PRKCQ: variants seen among roughly 807,000 people sequenced by gnomAD.
PRKCQ encodes the protein protein kinase C theta.
PRKCQ carries 41 observed loss-of-function variants against 91.2 expected under a neutral mutation model. The observed-to-expected ratio is 0.45, with a 90% CI of 0.35 to 0.58. The LOEUF (loss-of-function observed/expected upper bound fraction) is 0.58. PRKCQ is among the 20% of genes least tolerant of loss of function. The pLI is 0.00. For synonymous variants in PRKCQ, 307 were observed against 316.9 expected (o/e 0.97, Z 0.33); for missense variants, 673 against 896.5 (o/e 0.75, Z 3.18).
At position 6,497,328 on chromosome 10, in the gene PRKCQ, G is replaced by C; in HGVS notation, c.543-77C>G. The C allele has an allele frequency of 6.6e-7, 1 of 1,518,648 alleles. No homozygotes were observed. Among genetic ancestry groups the C allele is most frequent in the Middle Eastern group, 2.0e-4 (1 of 5,030 alleles). The allele number at this position is 1,518,648 out of a possible 1,614,324, so 94.1% of individuals were successfully genotyped here. ...CCAACAGCATTTAAGAGATGGATGA[G>C]ATCTCATAACCCCCTAAGATCACAG... On this transcript the variant is annotated intron_variant, in intron 5 of 17. Transcript: ENST00000263125. This position sits in a 1 kb window ranked among gnomAD's most constrained non-coding sequence, Gnocchi z 4.5.
chr10:6,447,610 G>T (rs1282541540), intron 15 of PRKCQ, among the ~76,000 whole-genome samples: 1 of 152,178 alleles, frequency 6.6e-6, no homozygotes, highest in Non-Finnish European at 1.5e-5. Flanking sequence ...GGGAGCACAG[G>T]TGTGTTTTTC....
intron 1 of PRKCQ, among the ~76,000 whole-genome samples, chr10:6,575,722 C>T (rs1328414687): frequency 6.6e-6 from 1 of 152,158 alleles, no homozygotes; most frequent in Non-Finnish European, 1.5e-5. Flanking sequence ...CACCTTACAC[C>T]AATTAGAAAG....
At chr10:6,397,502 TCC>T in the PRKCQ span, among the ~76,000 whole-genome samples, 1 of 152,268 alleles carries the variant, frequency 6.6e-6, no homozygotes, top group Non-Finnish European at 1.5e-5. Flanking sequence ...AAATATTTTC[TCC>T]TAGTCTCTTG....
At chr10:6,528,757 T>A (rs945837269) in intron 1 of PRKCQ, among the ~76,000 whole-genome samples, 2 of 152,232 alleles carry the variant, frequency 1.3e-5, no homozygotes, top group Non-Finnish European at 2.9e-5. Flanking sequence ...AGCAAATGTC[T>A]TTGAAGGTTA....
intron 1 of PRKCQ, among the ~76,000 whole-genome samples, chr10:6,549,866 T>C (rs957681161): frequency 1.3e-5 from 2 of 151,938 alleles, no homozygotes; most frequent in Non-Finnish European, 2.9e-5. Flanking sequence ...TCCTGACCTC[T>C]GGTAATCTGG....
the PRKCQ span, among the ~76,000 whole-genome samples, chr10:6,398,931 A>T: frequency 7.9e-5 from 12 of 151,992 alleles, no homozygotes; most frequent in African/African-American, 2.7e-4. Context: ...TTAAAAAAAA[A>T]TTTTATAGAG....
intron 1 of PRKCQ, among the ~76,000 whole-genome samples, chr10:6,534,914 G>A (rs1839522687): frequency 6.6e-6 from 1 of 151,176 alleles, no homozygotes; most frequent in Non-Finnish European, 1.5e-5. Context: ...AGTTCTTTTT[G>A]GAATGTGCAA....
At chr10:6,461,100 T>TATCCATCCATCC (rs140150098) in intron 14 of PRKCQ, among the ~76,000 whole-genome samples, 2 of 149,968 alleles carry the variant, frequency 1.3e-5, no homozygotes, top group African/African-American at 4.9e-5. Flanking sequence ...ATCCATCATT[T>TATCCATCCATCC]ATCCATCCAT....
intron 1 of PRKCQ, among the ~76,000 whole-genome samples, chr10:6,537,275 G>C (rs1839618329): frequency 6.6e-6 from 1 of 152,152 alleles, no homozygotes; most frequent in Non-Finnish European, 1.5e-5. Flanking sequence ...CTATACCTCA[G>C]TTTACCTCTT....
At chr10:6,466,360 G>A (rs987417436) in intron 12 of PRKCQ, among the ~76,000 whole-genome samples, 7 of 152,176 alleles carry the variant, frequency 4.6e-5, no homozygotes, top group African/African-American at 1.7e-4. Context: ...GCATTGGGGG[G>A]GTTGAATTGG....
the PRKCQ span, among the ~76,000 whole-genome samples, chr10:6,417,465 A>T: frequency 0.92 from 140,126 of 152,282 alleles, 64,602 homozygotes; most frequent in Non-Finnish European, 0.94. Flanking sequence ...GATTTTACTT[A>T]GATAATCCAC....
At chr10:6,417,190 A>T in the PRKCQ span, among the ~76,000 whole-genome samples, 1 of 152,240 alleles carries the variant, frequency 6.6e-6, no homozygotes, top group Non-Finnish European at 1.5e-5. Flanking sequence ...AGGGTCGAGG[A>T]GGAAAACAGG....
At chr10:6,410,976 C>CAAAAA in the PRKCQ span, among the ~76,000 whole-genome samples, 1 of 87,546 alleles carries the variant, frequency 1.1e-5, no homozygotes, top group Non-Finnish European at 2.1e-5. Context: ...GATTCCGTTT[C>CAAAAA]AAAAAAAAAA....
At chr10:6,471,503 G>A (rs987199749) in intron 12 of PRKCQ, among the ~76,000 whole-genome samples, 1 of 152,214 alleles carries the variant, frequency 6.6e-6, no homozygotes, top group African/African-American at 2.4e-5. Context: ...AGCACTTTGG[G>A]AGGCCGAGGT....
At chr10:6,544,472 G>C (rs1684905524) in intron 1 of PRKCQ, among the ~76,000 whole-genome samples, 1 of 152,122 alleles carries the variant, frequency 6.6e-6, no homozygotes, top group Admixed American at 6.5e-5. Flanking sequence ...AACTCTAATT[G>C]ACTTAGGCCA....
At chr10:6,450,331 C>CAAAG (rs1438007757) in intron 15 of PRKCQ, among the ~76,000 whole-genome samples, 2 of 146,240 alleles carry the variant, frequency 1.4e-5, no homozygotes, top group Admixed American at 7.0e-5. Context: ...TCAAAAGAGA[C>CAAAG]AAGGCCATTA....
At chr10:6,417,524 T>C in the PRKCQ span, among the ~76,000 whole-genome samples, 190 of 152,350 alleles carry the variant, frequency 1.2e-3, 1 homozygote, top group African/African-American at 4.4e-3. Context: ...GACGTAACTG[T>C]TCTGATGTTC....
At chr10:6,489,529 C>A (rs761737438) in intron 8 of PRKCQ, 2 of 499,734 alleles carry the variant, frequency 4.0e-6, no homozygotes, top group Non-Finnish European at 8.2e-6. Context: ...CGACGGCCTG[C>A]AAGGAGGCAG....
At chr10:6,542,799 G>A (rs971772683) in intron 1 of PRKCQ, among the ~76,000 whole-genome samples, 1 of 152,216 alleles carries the variant, frequency 6.6e-6, no homozygotes, top group Non-Finnish European at 1.5e-5. Flanking sequence ...GAACGAAGGT[G>A]ATAAAAGCTA....
Sources: gnomAD v4.1 joint callset for allele counts (sites outside exome capture counted in the v4.1 genomes callset) on GRCh38, gnomAD v4.1.1 for gene constraint, Gnocchi (gnomAD v3.1) non-coding constraint, MANE v1.5 for transcripts, NCBI Gene and HGNC (gene_info 2026-07-23, HGNC 2026-07-21) for gene names.